Variants in TMPRSS9 observed in about 807,000 individuals in gnomAD.
TMPRSS9 encodes the protein transmembrane serine protease 9.
TMPRSS9 carries 113 observed loss-of-function variants against 111.4 expected under a neutral mutation model. The ratio of observed to expected loss-of-function variants is 1.01; its 90% confidence interval spans 0.87 to 1.19. The LOEUF (loss-of-function observed/expected upper bound fraction) is 1.19, where lower values mean the gene tolerates loss of function less well. Ranked by LOEUF, TMPRSS9 falls within the 50% of genes most tolerant of loss-of-function variation. The pLI is 0.00. For synonymous variants in TMPRSS9, 805 were observed against 659.1 expected (o/e 1.22, Z -3.39); for missense variants, 1,803 against 1,513.1 (o/e 1.19, Z -3.18).
chr19:2,389,451 C>A (rs1970540463), upstream of TMPRSS9, among the ~76,000 whole-genome samples: 1 of 149,906 alleles, frequency 6.7e-6, no homozygotes, highest in Non-Finnish European at 1.5e-5. Flanking sequence ...TTCACTGCAG[C>A]CTCCGCCTCC....
exon 1 of TMPRSS9, chr19:2,389,784 C>T (rs368101682): frequency 6.2e-7 from 1 of 1,611,954 alleles, no homozygotes; most frequent in Non-Finnish European, 8.5e-7. Context: ...TGTCTCTGAG[C>T]CATGGAGCCC....
At chr19:2,377,243 CTGTATGTATGTA>C (rs71178267) in intron 1 of TMPRSS9, among the ~76,000 whole-genome samples, 4,916 of 135,118 alleles carry the variant, frequency 0.036, 120 homozygotes, top group African/African-American at 0.069. Context: ...TCTTTTTTTA[CTGTATGTATGTA>C]TGTATGTATG....
At chr19:2,397,607 G>C (rs191604032) in intron 2 of TMPRSS9, among the ~76,000 whole-genome samples, 1 of 152,094 alleles carries the variant, frequency 6.6e-6, no homozygotes, top group Admixed American at 6.6e-5. Flanking sequence ...GACCACATCA[G>C]CAATCACGTA....
chr19:2,413,596 AGG>A, intron 9 of TMPRSS9, 102 bp from the exon 11 acceptor site: 1 of 1,261,520 alleles, frequency 7.9e-7, no homozygotes, highest in Non-Finnish European at 1.1e-6. Context: ...GTGTGGAGAG[AGG>A]TCCTGGCTGT....
At chr19:2,416,921 G>C (rs763037077) in intron 12 of TMPRSS9, 112 bp downstream of exon 13, 79 of 1,320,060 alleles carry the variant, frequency 6.0e-5, no homozygotes, top group Non-Finnish European at 7.3e-5. Context: ...CACTGCACAG[G>C]GACCTCTGTG....
At position 2,422,336 on chromosome 19, in the gene TMPRSS9, T is replaced by C. The variant is rs886250203; in HGVS notation, c.2548+89T>C. The C allele has an allele frequency of 4.2e-6, 6 of 1,417,928 alleles. No individual in the cohort carries two copies. In the African/African-American group the frequency reaches 5.8e-5, roughly 14 times the overall value. The allele number at this position is 1,417,928 out of a possible 1,614,324, so 87.8% of individuals were successfully genotyped here. On this transcript the variant is annotated intron_variant, in intron 14 of 17. Coordinates refer to ENST00000648592, the Ensembl canonical transcript of TMPRSS9. ...CTAACAAGACATAACGTCGTCCACT[T>C]TGGGAGGCCGAGGCGGGCGGATCAA...
At chr19:2,395,289 C>T (rs1370154704) in intron 1 of TMPRSS9, among the ~76,000 whole-genome samples, 2 of 151,798 alleles carry the variant, frequency 1.3e-5, no homozygotes, top group South Asian at 2.1e-4. Context: ...GTGTGGTGGT[C>T]CACGCCTGTA....
chr19:2,378,926 G>T (rs995924526), intron 1 of TMPRSS9, among the ~76,000 whole-genome samples: 2 of 152,080 alleles, frequency 1.3e-5, no homozygotes, highest in African/African-American at 4.8e-5. Flanking sequence ...GATCTTGTGA[G>T]AACTCACTAT....
intron 9 of TMPRSS9, among the ~76,000 whole-genome samples, chr19:2,410,996 GCTCAA>G (rs1474154458): frequency 2.0e-5 from 3 of 152,024 alleles, no homozygotes. Flanking sequence ...TGAGCTGCAG[GCTCAA>G]CTCAAGAAGG....
At chr19:2,421,746 C>CCGG (rs1421790289) in intron 13 of TMPRSS9, 108 bp from the exon 15 acceptor site, 17 of 1,298,588 alleles carry the variant, frequency 1.3e-5, no homozygotes, top group Admixed American at 2.4e-5. Context: ...GCCCTCTGCC[C>CCGG]CCCGCCCTCG....
upstream of TMPRSS9, among the ~76,000 whole-genome samples, chr19:2,384,981 CAAA>C (rs1340652495): frequency 7.0e-5 from 7 of 99,328 alleles, no homozygotes; most frequent in Non-Finnish European, 6.3e-5. Flanking sequence ...AACTCCATCT[CAAA>C]AAAAAAAAAA....
chr19:2,384,455 C>T (rs142262071), intron 1 of TMPRSS9, among the ~76,000 whole-genome samples: 2 of 151,728 alleles, frequency 1.3e-5, no homozygotes, highest in East Asian at 3.9e-4. Context: ...GCGAGCAGAT[C>T]ACCCGGGGTC....
chr19:2,387,775 G>T (rs1424204173), upstream of TMPRSS9, among the ~76,000 whole-genome samples: 1 of 152,022 alleles, frequency 6.6e-6, no homozygotes, highest in East Asian at 1.9e-4. Flanking sequence ...AATCAGGGGT[G>T]GGGTGTGAAG....
intron 1 of TMPRSS9, among the ~76,000 whole-genome samples, chr19:2,391,821 A>T (rs1970604623): frequency 6.7e-6 from 1 of 149,860 alleles, no homozygotes; most frequent in African/African-American, 2.5e-5. Flanking sequence ...AGCTCATCAC[A>T]ACCTCCACCA....
At chr19:2,363,399 G>T (rs994687211) in intron 1 of TMPRSS9, among the ~76,000 whole-genome samples, 31 of 152,006 alleles carry the variant, frequency 2.0e-4, no homozygotes, top group African/African-American at 7.5e-4. Flanking sequence ...GGGCTTTGCG[G>T]AGACGTGGAG....
Position 2,418,224 on chromosome 19 carries a change from G to A in TMPRSS9, c.2154+86G>A, listed in dbSNP as rs1599311722. The A allele has an allele frequency of 8.2e-6, 11 of 1,347,406 alleles. No individual in the cohort carries two copies. The East Asian group carries it at 2.1e-4, about 26-fold the overall frequency. The allele number at this position is 1,347,406 out of a possible 1,614,324, so 83.5% of individuals were successfully genotyped here. A position where few individuals can be genotyped will look rare whatever the true frequency, so the allele number is the denominator to read the frequency against. ...CAGCAGTTCTTTGTGTGCAGACCTA[G>A]ATTTTTTTCCTTTCTTTCCTTCCCC... On this transcript the variant is annotated intron_variant, in intron 13 of 17. Transcript: ENST00000648592.
intron 1 of TMPRSS9, among the ~76,000 whole-genome samples, chr19:2,379,615 C>CTCTCTCTT (rs1555676516): frequency 1.7e-4 from 20 of 118,512 alleles, no homozygotes; most frequent in African/African-American, 4.5e-4. Context: ...AACTTTCTTT[C>CTCTCTCTT]TCTTTCTTTC....
intron 2 of TMPRSS9, among the ~76,000 whole-genome samples, chr19:2,397,494 A>G (rs1970735409): frequency 6.6e-6 from 1 of 152,006 alleles, no homozygotes; most frequent in Admixed American, 6.6e-5. Context: ...CTGGAATATG[A>G]CTCAGCCAGG....
chr19:2,373,830 C>G (rs558901384), intron 1 of TMPRSS9, among the ~76,000 whole-genome samples: 1 of 152,312 alleles, frequency 6.6e-6, no homozygotes, highest in South Asian at 2.1e-4. Flanking sequence ...TACACGTGGC[C>G]TAGGGAGGTT....
Sources: allele counts gnomAD v4.1 joint callset (sites outside exome capture counted in the v4.1 genomes callset), GRCh38; gene constraint gnomAD v4.1.1; transcripts MANE v1.5; gene names NCBI Gene and HGNC (gene_info 2026-07-23, HGNC 2026-07-21).